DLG2: variants seen among roughly 807,000 people sequenced by gnomAD.
DLG2 encodes discs large MAGUK scaffold protein 2, also known as disks large homolog 2.
Under a neutral mutation model 132.5 loss-of-function variants are expected in DLG2, and 45 were observed. The ratio of observed to expected loss-of-function variants is 0.34; its 90% CI spans 0.27 to 0.44. The LOEUF is 0.44. Ranked by LOEUF, DLG2 falls within the 20% of genes least tolerant of loss-of-function variation. The pLI is 1.00. For synonymous variants in DLG2, 424 were observed against 419.6 expected, an observed-to-expected ratio of 1.01 and a Z score of -0.13; for missense variants, 1,045 against 1,196.9, an observed-to-expected ratio of 0.87 and a Z score of 1.87.
intron 6 of DLG2, among the ~76,000 whole-genome samples, chr11:84,588,552 C>A (rs75273974): frequency 6.6e-6 from 1 of 152,082 alleles, no homozygotes; most frequent in African/African-American, 2.4e-5. Context: ...GCCCTTTTGT[C>A]AGAGGCATTT....
intron 6 of DLG2, among the ~76,000 whole-genome samples, chr11:84,820,369 T>G (rs922585725): frequency 5.3e-5 from 8 of 151,906 alleles, no homozygotes; most frequent in African/African-American, 1.9e-4. Context: ...TCCAGTTTCT[T>G]TCTGTTCCAC....
rs1017645352 is a variant in DLG2, at chr11:83,943,565, T to C, written c.1341-13082A>G. Among the ~76,000 whole-genome samples, 6 of 152,230 alleles carry C rather than the reference T, an allele frequency of 3.9e-5. No homozygotes were observed. In the East Asian group the frequency reaches 9.6e-4, roughly 24 times the overall value. ...GGTATCACCATATTTGCTATTTAAA[T>C]TTGTCAATCTCAAATGTCTTCAGTT... On this transcript the variant is annotated intron_variant, in intron 14 of 27. Transcript: ENST00000376104.
chr11:85,008,037 T>G (rs1033018140), intron 6 of DLG2, among the ~76,000 whole-genome samples: 5 of 152,172 alleles, frequency 3.3e-5, no homozygotes, highest in Non-Finnish European at 5.9e-5. Flanking sequence ...AATCAAATGT[T>G]TTAGTATTTC....
intron 3 of DLG2, among the ~76,000 whole-genome samples, chr11:85,308,373 G>A (rs978637098): frequency 4.0e-5 from 6 of 151,882 alleles, no homozygotes; most frequent in Non-Finnish European, 5.9e-5. Flanking sequence ...CCAGGATGCC[G>A]ATTTCTACAG....
intron 6 of DLG2, among the ~76,000 whole-genome samples, chr11:84,775,959 T>C (rs978914249): frequency 1.3e-5 from 2 of 152,244 alleles, no homozygotes; most frequent in African/African-American, 4.8e-5. Flanking sequence ...GTTGGATGTA[T>C]GTGCGAAGAG....
intron 7 of DLG2, among the ~76,000 whole-genome samples, chr11:84,386,622 G>A (rs2098771440): frequency 6.6e-6 from 1 of 151,964 alleles, no homozygotes; most frequent in Non-Finnish European, 1.5e-5. Flanking sequence ...ATCAATAAAT[G>A]GCCATCATAT....
chr11:85,201,922 C>A (rs944836039), intron 4 of DLG2, among the ~76,000 whole-genome samples: 1 of 151,564 alleles, frequency 6.6e-6, no homozygotes, highest in Non-Finnish European at 1.5e-5. Context: ...AATTCTAGAG[C>A]TTAAAAATAC....
chr11:85,276,855 T>C (rs527540805), intron 4 of DLG2, among the ~76,000 whole-genome samples: 1 of 152,306 alleles, frequency 6.6e-6, no homozygotes, highest in South Asian at 2.1e-4. Flanking sequence ...AATATAATAC[T>C]TGATATTAAG....
intron 16 of DLG2, among the ~76,000 whole-genome samples, chr11:83,834,814 C>A (rs977468786): frequency 6.6e-6 from 1 of 152,122 alleles, no homozygotes; most frequent in Non-Finnish European, 1.5e-5. Context: ...GTTCAATTTT[C>A]TGTATCAGTA....
intron 6 of DLG2, among the ~76,000 whole-genome samples, chr11:84,777,993 T>C (rs1459558017): frequency 6.6e-6 from 1 of 152,170 alleles, no homozygotes; most frequent in Non-Finnish European, 1.5e-5. Flanking sequence ...TTTTGTTGCC[T>C]GTGCTTTTCA....
At chr11:83,487,510 T>G (rs1174402438) in intron 21 of DLG2, among the ~76,000 whole-genome samples, 1 of 152,010 alleles carries the variant, frequency 6.6e-6, no homozygotes, top group Non-Finnish European at 1.5e-5. Flanking sequence ...AGCAGAGAAG[T>G]CAGAAATTGA....
chr11:84,766,124 G>A (rs1278019845), intron 6 of DLG2, among the ~76,000 whole-genome samples: 1 of 151,948 alleles, frequency 6.6e-6, no homozygotes. Flanking sequence ...ATCCACCAGA[G>A]GGGGAAGGAA....
chr11:84,437,650 C>T (rs1310730195), intron 7 of DLG2: 1 of 152,272 alleles, frequency 6.6e-6, no homozygotes, highest in Admixed American at 6.5e-5. Context: ...AAAAGGCAGT[C>T]CTGTTTGGCC....
rs570164479 is a variant in DLG2 at position 85,027,754 on chromosome 11, G to A, written c.357+83907C>T. Among the ~76,000 whole-genome samples the A allele has an allele frequency of 4.6e-5, 7 of 152,352 alleles. No homozygotes were observed. The South Asian group carries it at 6.2e-4, about 14-fold the overall frequency. On this transcript the variant is annotated intron_variant, in intron 6 of 27. Coordinates refer to ENST00000376104, the MANE Select transcript of DLG2 (RefSeq NM_001142699.3). The stretch of plus-strand genomic sequence containing the variant: ...TGCATCTGGATAAGGGGAACACAGT[G>A]GCACTGGGAAGCTTGGAGACACCAG...
At position 84,866,938 on chromosome 11, in the gene DLG2, G is replaced by C. The variant is rs1600252633; in HGVS notation, c.357+244723C>G. On this transcript the variant is annotated intron_variant, in intron 6 of 27. Transcript: ENST00000376104. ...CTTTTTAGACTGTAACATTTTTAAA[G>C]GCAGGGGCCATAGTTGTATTTTTCT... Among the ~76,000 whole-genome samples the C allele has an allele frequency of 2.6e-5, 4 of 152,266 alleles. No individual in the cohort carries two copies. In the East Asian group the frequency reaches 5.8e-4, roughly 22 times the overall value.
At chr11:85,468,422 C>A (rs533974200) in intron 3 of DLG2, among the ~76,000 whole-genome samples, 48 of 152,270 alleles carry the variant, frequency 3.2e-4, no homozygotes, top group African/African-American at 1.1e-3. Context: ...AATTTTAGAT[C>A]TTTTCTGCTT....
At chr11:85,219,886 A>C (rs566346534) in intron 4 of DLG2, among the ~76,000 whole-genome samples, 97 of 151,932 alleles carry the variant, frequency 6.4e-4, no homozygotes, top group African/African-American at 2.1e-3. Flanking sequence ...TTTGGAGAAC[A>C]GTACTCAAGC....
At chr11:84,151,672 T>G (rs973993521) in intron 9 of DLG2, among the ~76,000 whole-genome samples, 2 of 152,234 alleles carry the variant, frequency 1.3e-5, no homozygotes, top group African/African-American at 4.8e-5. Context: ...CTTCTTGATG[T>G]AGGCATTTAA....
chr11:85,070,725 T>C (rs2065722700), intron 6 of DLG2, among the ~76,000 whole-genome samples: 1 of 151,840 alleles, frequency 6.6e-6, no homozygotes, highest in African/African-American at 2.4e-5. Context: ...TCACTTACCA[T>C]CCACCCTCTG....
Sources: gnomAD v4.1 joint callset for allele counts (sites outside exome capture counted in the v4.1 genomes callset) on GRCh38, gnomAD v4.1.1 for gene constraint, MANE v1.5 for transcripts, NCBI Gene and HGNC (gene_info 2026-07-23, HGNC 2026-07-21) for gene names.